SLFN13: variants seen among roughly 807,000 people sequenced by gnomAD.
SLFN13 encodes the protein schlafen-13.
SLFN13 carries 43 observed loss-of-function variants against 50.6 expected under a neutral mutation model. That is an observed-to-expected ratio of 0.85 (90% CI 0.67 to 1.09). The LOEUF (loss-of-function observed/expected upper bound fraction) is 1.09, where lower values mean the gene tolerates loss of function less well. Among genes scored for constraint, SLFN13 ranks in the 50% least tolerant of loss-of-function variants. The pLI is 0.00. For synonymous variants in SLFN13, 339 were observed against 386.5 expected (o/e 0.88, Z 1.44); for missense variants, 881 against 1,071.1 (o/e 0.82, Z 2.48).
upstream of SLFN13, among the ~76,000 whole-genome samples, chr17:35,449,422 C>A (rs573186715): frequency 6.6e-6 from 1 of 152,180 alleles, no homozygotes; most frequent in East Asian, 1.9e-4. Context: ...AGCTCTCGCC[C>A]GAGCTTTCCC....
Position 35,444,644 on chromosome 17 carries a change from C to T in SLFN13, c.1037G>A (p.Trp346Ter), listed in dbSNP as rs1913093521. Residue 346 changes from tryptophan to a stop codon, truncating the protein, a stop_gained, in exon 3 of 6, where the codon TGG (tryptophan) becomes TAG (stop). Transcript: ENST00000285013. LOFTEE classifies it high-confidence loss of function. ...KYIRPLTTEE[W>*]VEKMMDADPE... ...ATCTGCGTCCATCATTTTCTCTACCCATTCCTCAGTTGTCAAGGGGCGGAT... is the reference window on the plus strand; with the variant it reads ...ATCTGCGTCCATCATTTTCTCTACCTATTCCTCAGTTGTCAAGGGGCGGAT... 2 of 1,614,012 alleles carry T rather than the reference C, an allele frequency of 1.2e-6. No homozygotes were observed. Among genetic ancestry groups the T allele is most frequent in the African/African-American group, 1.3e-5 (1 of 74,912 alleles).
rs1210980296 is a variant in SLFN13 at position 35,440,907 on chromosome 17, G to A, written c.2382C>T (p.Asp794=). ...CCCTTTCAAAGAAGCACCTGCAGGT[G>A]TCTGCCACATAGGTCACTATTTGCT... ...TLEQIVTYVA[D]TCRCFFERGY... The change falls in exon 6 of 6, where the codon GAC becomes GAT. Residue 794 remains aspartate, a synonymous_variant. Transcript: ENST00000285013. 1 of 1,614,102 alleles carries A rather than the reference G, an allele frequency of 6.2e-7. No homozygotes were observed.
intron 5 of SLFN13, 23 bp from the exon 6 acceptor site, chr17:35,441,389 C>T: frequency 6.3e-7 from 1 of 1,578,706 alleles, no homozygotes; most frequent in Non-Finnish European, 8.6e-7. Context: ...AAAGAATACA[C>T]TCAGGTTTTC....
At chr17:35,447,061 C>G (rs1349925342) in intron 2 of SLFN13, 1 of 152,156 alleles carries the variant, frequency 6.6e-6, no homozygotes. Context: ...CAAATGGCAA[C>G]CCCACCCATA....
chr17:35,442,438 TTGTTTGTC>T (rs1912968131), intron 4 of SLFN13, 152 bp from the exon 5 acceptor site: 1 of 1,001,594 alleles, frequency 1.0e-6, no homozygotes, highest in African/African-American at 1.6e-5. Context: ...TTTTGTTTGT[TTGTTTGTC>T]TGTCTGTCTG....
In SLFN13 at chr17:35,440,332, A is replaced by G. The variant is rs1232335957; in HGVS notation, c.*263T>C. 8 of 537,924 alleles carry G rather than the reference A, an allele frequency of 1.5e-5. No individual in the cohort carries two copies. Among genetic ancestry groups the G allele is most frequent in the South Asian group, 4.7e-5 (2 of 42,674 alleles). The allele number at this position is 537,924 out of a possible 1,614,324, so 33.3% of individuals were successfully genotyped here. A position where few individuals can be genotyped will look rare whatever the true frequency, so the allele number is the denominator to read the frequency against. On this transcript the variant is annotated 3_prime_UTR_variant, in exon 6 of 6. Coordinates refer to ENST00000285013, the MANE Select transcript of SLFN13 (RefSeq NM_144682.6). ...CAGGTCTGCATTGTGCAGCACAGCT[A>G]AAGTTCCTTTAGAAAACCACCATCT...
chr17:35,440,412 G>A lies in SLFN13; in HGVS notation c.*183C>T. ...GGGGGGCAGCCACCACTGCTGAAAA[G>A]AGTTGGGGGAGGAACCCCTGAAAGG... On this transcript the variant is annotated 3_prime_UTR_variant, in exon 6 of 6. Coordinates refer to ENST00000285013, the MANE Select transcript of SLFN13 (RefSeq NM_144682.6). 4 of 694,276 alleles carry A rather than the reference G, an allele frequency of 5.8e-6. No homozygotes were observed. In the South Asian group the frequency reaches 7.8e-5, roughly 14 times the overall value. 43.0% of individuals were successfully genotyped at this position (694,276 alleles called of 1,614,324 possible).
chr17:35,436,501 A>ACACG lies in SLFN13; in HGVS notation c.*4093_*4094insCGTG, dbSNP rs1912650410. 6.6e-6 allele frequency: 1 copy of ACACG among 151,838 alleles called. No homozygotes were observed. The highest frequency in any genetic ancestry group is 6.6e-5 in the Admixed American group (1 of 15,244). The allele number at this position is 151,838 out of a possible 1,614,324, so 9.4% of individuals were successfully genotyped here. On this transcript the variant is annotated 3_prime_UTR_variant, in exon 6 of 6. Transcript: ENST00000285013. The stretch of plus-strand genomic sequence containing the variant: ...CCCCTCCACACACACACACACACAC[A>ACACG]CTTTATTAATTACAAAAAGCAAATT...
At chr17:35,442,804 T>C (rs1404858708) in intron 4 of SLFN13, among the ~76,000 whole-genome samples, 1 of 152,228 alleles carries the variant, frequency 6.6e-6, no homozygotes, top group African/African-American at 2.4e-5. Context: ...GTCACCCTTC[T>C]ATGTATCTCA....
At chr17:35,443,107 T>A (rs1477591463) in intron 4 of SLFN13, among the ~76,000 whole-genome samples, 2 of 152,222 alleles carry the variant, frequency 1.3e-5, no homozygotes, top group Non-Finnish European at 1.5e-5. Context: ...GTTCAATGTA[T>A]GAAGTTAAGC....
At position 35,441,223 on chromosome 17, in the gene SLFN13, T is replaced by C. The variant is rs759843879; in HGVS notation, c.2066A>G (p.Gln689Arg). ...AACTCCTGGACAATCCTTTTCTCTC[T>C]GAGTGATGGTTTTTGCCTTCCTATA... ...DWYRKAKTIT[Q>R]REKDCPGVLW... Residue 689 changes from glutamine (Q) to arginine (R), a missense_variant, in exon 6 of 6, where the codon CAG (glutamine) becomes CGG (arginine). By Grantham distance (43) the Gln-to-Arg change is conservative (BLOSUM62 1). Coordinates refer to ENST00000285013, the MANE Select transcript of SLFN13 (RefSeq NM_144682.6). 4 of 1,614,122 alleles carry C rather than the reference T, an allele frequency of 2.5e-6. No homozygotes were observed. The highest frequency in any genetic ancestry group is 2.2e-5 in the East Asian group (1 of 44,888).
At position 35,445,440 on chromosome 17, in the gene SLFN13, C is replaced by A. The variant is rs1567864600; in HGVS notation, c.241G>T (p.Glu81Ter). 3 of 1,614,186 alleles carry A rather than the reference C, an allele frequency of 1.9e-6. No homozygotes were observed. The highest frequency in any genetic ancestry group is 2.2e-5 in the East Asian group (1 of 44,886). The stretch of plus-strand genomic sequence containing the variant: ...TACTGAATAAGCTTTCTCAAGGATT[C>A]TTCTAAATCCAGTCCCATCTCTGTG... ...RPTEMGLDLE[E>*]SLRKLIQYPY... is the part of the protein sequence containing the mutation. Residue 81 changes from glutamate (E) to a stop codon, truncating the protein, a stop_gained, in exon 3 of 6, where the codon GAA becomes TAA. Transcript: ENST00000285013. LOFTEE classifies it high-confidence loss of function.
Position 35,440,755 on chromosome 17 carries a change from A to C in SLFN13, c.2534T>G (p.Leu845Trp). The change falls in exon 6 of 6, where the codon TTG becomes TGG. Residue 845 changes from leucine (L) to tryptophan (W), a missense_variant. Leu to Trp is a moderately conservative substitution (Grantham distance 61). This residue lies in a region of SLFN13 where 322 missense variants were observed against 327.4 expected (regional missense o/e 0.98). Coordinates refer to ENST00000285013, the MANE Select transcript of SLFN13 (RefSeq NM_144682.6). ...ACTGTCCAACACAATGTGCACACCC[A>C]ACATATCACATGCATCACTGAGCTG... ...VVQLSDACDM[L>W]GVHIVLDSVR... 6.2e-7 allele frequency: 1 copy of C among 1,614,060 alleles called. No individual in the cohort carries two copies. Among genetic ancestry groups the C allele is most frequent in the Non-Finnish European group, 8.5e-7 (1 of 1,180,018 alleles).
In SLFN13 at chr17:35,444,913, G is replaced by A. The variant is rs770796066; in HGVS notation, c.768C>T (p.Val256=). 3 of 1,614,166 alleles carry A rather than the reference G, an allele frequency of 1.9e-6. No individual in the cohort carries two copies. Among genetic ancestry groups the A allele is most frequent in the Middle Eastern group, 1.6e-4 (1 of 6,062 alleles). ...FIGVDDKSRK[V]LGCAKEQVDP... ...CAACCTGTTCTTTGGCACATCCCAG[G>A]ACTTTCCTACTCTTATCATCCACTC... Residue 256 remains valine (V), a synonymous_variant, in exon 3 of 6, where the codon GTC becomes GTT. Coordinates refer to ENST00000285013, the MANE Select transcript of SLFN13 (RefSeq NM_144682.6).
In SLFN13 at chr17:35,436,876, T is replaced by C. The variant is rs2142064600; in HGVS notation, c.*3719A>G. ...AGATCAAATCCTGGACCAGAACTTT[T>C]TCTCTTTTGAGAAAAAAACATAAAG... is the stretch of plus-strand genomic sequence containing the variant. On this transcript the variant is annotated 3_prime_UTR_variant, in exon 6 of 6. Coordinates refer to ENST00000285013, the MANE Select transcript of SLFN13 (RefSeq NM_144682.6). The C allele has an allele frequency of 6.6e-6, 1 of 152,286 alleles. No individual in the cohort carries two copies. Among genetic ancestry groups the C allele is most frequent in the South Asian group, 2.1e-4 (1 of 4,830 alleles). 9.4% of individuals were successfully genotyped at this position (152,286 alleles called of 1,614,324 possible). A position where few individuals can be genotyped will look rare whatever the true frequency, so the allele number is the denominator to read the frequency against.
Position 35,435,999 on chromosome 17 carries a change from T to A in SLFN13, c.*4596A>T, listed in dbSNP as rs575276830. ...GAACCACCTTGGTCGTGGTGTATTA[T>A]CACTTTTACAAATTGTTGGATTTTG... is the stretch of plus-strand genomic sequence containing the variant. On this transcript the variant is annotated 3_prime_UTR_variant, in exon 6 of 6. Coordinates refer to ENST00000285013, the MANE Select transcript of SLFN13 (RefSeq NM_144682.6). The A allele has an allele frequency of 6.6e-6, 1 of 152,286 alleles. No homozygotes were observed. The highest frequency in any genetic ancestry group is 2.4e-5 in the African/African-American group (1 of 41,578). 9.4% of individuals were successfully genotyped at this position (152,286 alleles called of 1,614,324 possible).
rs887963355 is a variant in SLFN13 at position 35,441,144 on chromosome 17, A to G, written c.2145T>C (p.Leu715=). 1.2e-5 allele frequency: 19 copies of G among 1,613,826 alleles called. No individual in the cohort carries two copies. Among genetic ancestry groups the G allele is most frequent in the African/African-American group, 6.7e-5 (5 of 74,864 alleles). ...FQTSHLGHSG[L]PPLSAQYPRE... is the part of the protein sequence containing the mutation. ...TTGGATACTGTGCTGAGAGAGGGGG[A>G]AGGCCACTGTGACCCAAGTGACTGG... Residue 715 remains leucine (L), a synonymous_variant, in exon 6 of 6, where the codon CTT becomes CTC. Coordinates refer to ENST00000285013, the MANE Select transcript of SLFN13 (RefSeq NM_144682.6).
chr17:35,443,053 A>T (rs1913006650), intron 4 of SLFN13, among the ~76,000 whole-genome samples: 1 of 152,222 alleles, frequency 6.6e-6, no homozygotes, highest in Non-Finnish European at 1.5e-5. Flanking sequence ...CATACGTAGG[A>T]TATTTGTGTA....
chr17:35,445,692 A>T lies in SLFN13; in HGVS notation c.-12T>A, dbSNP rs1392755852. On this transcript the variant is annotated splice_region_variant and 5_prime_UTR_variant, in exon 3 of 6. Transcript: ENST00000285013. Reference sequence around the variant, plus strand: ...TGATTTGCCTCCATGTTGAACTTGCACCTTAAAGTATTAGAATATTTGTTT... The same window carrying T: ...TGATTTGCCTCCATGTTGAACTTGCTCCTTAAAGTATTAGAATATTTGTTT... 6 of 1,561,950 alleles carry T rather than the reference A, an allele frequency of 3.8e-6. No homozygotes were observed. Among genetic ancestry groups the T allele is most frequent in the Non-Finnish European group, 5.2e-6 (6 of 1,156,150 alleles).
Sources: gnomAD v4.1 joint callset for allele counts (sites outside exome capture counted in the v4.1 genomes callset) on GRCh38, gnomAD v4.1.1 for gene constraint, gnomAD v4.1.1 regional missense constraint, MANE v1.5 for transcripts, NCBI Gene and HGNC (gene_info 2026-07-23, HGNC 2026-07-21) for gene names.